Variants in SOX5 observed in about 807,000 individuals in gnomAD.
SOX5 encodes SRY-box transcription factor 5, also known as transcription factor SOX-5.
A neutral mutation model predicts 92.0 loss-of-function variants in SOX5; 9 were observed. That is an observed-to-expected ratio of 0.10 (90% confidence interval 0.06 to 0.17). SOX5 has a LOEUF of 0.17. Among genes scored for constraint, SOX5 ranks in the 10% least tolerant of loss-of-function variants. The pLI, the probability that SOX5 is intolerant of heterozygous loss-of-function variation, is 1.00. For missense variants in SOX5, 642 were observed against 944.5 expected (o/e 0.68, Z 4.20); for synonymous variants, 344 against 336.3 (o/e 1.02, Z -0.25).
At chr12:23,792,564 A>T (rs954862150) in intron 3 of SOX5, among the ~76,000 whole-genome samples, 4 of 131,574 alleles carry the variant, frequency 3.0e-5, no homozygotes, top group Non-Finnish European at 6.2e-5. Flanking sequence ...CAGAGGTTGC[A>T]GTGAGCCGAG....
At chr12:24,455,966 T>G (rs1329724259) in intron 1 of SOX5, among the ~76,000 whole-genome samples, 3 of 152,184 alleles carry the variant, frequency 2.0e-5, no homozygotes, top group Non-Finnish European at 4.4e-5. Context: ...ATGGATTAGC[T>G]GAGCTCTGAG....
intron 6 of SOX5, among the ~76,000 whole-genome samples, chr12:23,703,957 T>G (rs2091024005): frequency 6.6e-6 from 1 of 151,968 alleles, no homozygotes; most frequent in Non-Finnish European, 1.5e-5. Flanking sequence ...GCATTCTCAG[T>G]GACTTTGGCA....
chr12:24,387,724 C>T (rs1292337816), intron 1 of SOX5, among the ~76,000 whole-genome samples: 2 of 152,156 alleles, frequency 1.3e-5, no homozygotes, highest in African/African-American at 2.4e-5. Context: ...GACTAATATA[C>T]ATAATCAGTA....
intron 1 of SOX5, among the ~76,000 whole-genome samples, chr12:24,397,993 G>A (rs571851647): frequency 1.3e-5 from 2 of 151,888 alleles, no homozygotes; most frequent in Non-Finnish European, 2.9e-5. Flanking sequence ...GGGACTACAG[G>A]TGCCCGCCAC....
intron 1 of SOX5, among the ~76,000 whole-genome samples, chr12:23,927,099 C>A (rs1214099306): frequency 6.6e-6 from 1 of 151,942 alleles, no homozygotes; most frequent in Non-Finnish European, 1.5e-5. Flanking sequence ...TTTGTTTTTC[C>A]AAAAGGATTA....
At chr12:24,501,231 A>G (rs1393623486) in intron 1 of SOX5, among the ~76,000 whole-genome samples, 1 of 152,172 alleles carries the variant, frequency 6.6e-6, no homozygotes, top group Non-Finnish European at 1.5e-5. Context: ...CACCTCATTA[A>G]GAGCAGTTTT....
chr12:23,715,245 G>C (rs1201144328), intron 6 of SOX5, among the ~76,000 whole-genome samples: 1 of 151,238 alleles, frequency 6.6e-6, no homozygotes, highest in East Asian at 1.9e-4. Flanking sequence ...CTTGCAGTGA[G>C]CCGAGATAGT....
intron 1 of SOX5, among the ~76,000 whole-genome samples, chr12:24,538,450 G>C (rs779526400): frequency 6.6e-6 from 1 of 152,038 alleles, no homozygotes; most frequent in South Asian, 2.1e-4. Context: ...CACTTAAGAC[G>C]TTTCTGCCCC....
chr12:24,435,669 T>G (rs1229185684), intron 1 of SOX5, among the ~76,000 whole-genome samples: 3 of 152,192 alleles, frequency 2.0e-5, no homozygotes, highest in African/African-American at 7.2e-5. Context: ...ACTTGACAAG[T>G]GAATGAGAAG....
At chr12:23,839,847 C>T (rs1349604926) in intron 3 of SOX5, among the ~76,000 whole-genome samples, 1 of 146,004 alleles carries the variant, frequency 6.8e-6, no homozygotes, top group African/African-American at 2.5e-5. Context: ...AAAAAAATTA[C>T]AAAAATCCCG....
intron 3 of SOX5, among the ~76,000 whole-genome samples, chr12:24,270,239 T>G (rs958279119): frequency 6.6e-6 from 1 of 152,032 alleles, no homozygotes; most frequent in African/African-American, 2.4e-5. Context: ...TTTTGTATTT[T>G]TAGTAGAGAC....
intron 4 of SOX5, among the ~76,000 whole-genome samples, chr12:24,188,677 A>G (rs1005347097): frequency 1.3e-5 from 2 of 152,214 alleles, no homozygotes; most frequent in Non-Finnish European, 2.9e-5. Flanking sequence ...GCCAAAGCAC[A>G]GAGTCTTAAA....
intron 4 of SOX5, among the ~76,000 whole-genome samples, chr12:24,069,390 A>T (rs536222187): frequency 6.6e-6 from 1 of 152,344 alleles, no homozygotes; most frequent in South Asian, 2.1e-4. Context: ...GCTTTTCTTA[A>T]TCTAAAATTA....
intron 3 of SOX5, among the ~76,000 whole-genome samples, chr12:23,796,670 C>T (rs1347463410): frequency 1.3e-5 from 2 of 151,702 alleles, no homozygotes; most frequent in East Asian, 3.9e-4. Context: ...ACCAATTGTT[C>T]CTAACTGCAA....
chr12:23,550,962 C>G (rs879625236), intron 11 of SOX5, among the ~76,000 whole-genome samples: 9 of 151,934 alleles, frequency 5.9e-5, no homozygotes, highest in Admixed American at 5.3e-4. Context: ...TCATCTATTA[C>G]TCCCTGAAAC....
intron 4 of SOX5, among the ~76,000 whole-genome samples, chr12:24,043,315 C>T (rs552917070): frequency 1.7e-3 from 252 of 152,238 alleles, no homozygotes; most frequent in African/African-American, 5.9e-3. Flanking sequence ...GTACCTTGCA[C>T]GCGTAAGCAT....
chr12:23,894,932 C>T (rs1185538523), intron 2 of SOX5, among the ~76,000 whole-genome samples: 1 of 152,012 alleles, frequency 6.6e-6, no homozygotes, highest in African/African-American at 2.4e-5. Context: ...TGTGATCCAC[C>T]CAAGCAGCCA....
intron 1 of SOX5, among the ~76,000 whole-genome samples, chr12:24,531,508 T>C (rs1027390357): frequency 1.3e-5 from 2 of 152,192 alleles, no homozygotes; most frequent in African/African-American, 4.8e-5. Flanking sequence ...AGTATAACTA[T>C]AAAGTAATGT....
intron 2 of SOX5, among the ~76,000 whole-genome samples, chr12:23,894,780 GAA>G: frequency 6.7e-6 from 1 of 150,210 alleles, no homozygotes; most frequent in Non-Finnish European, 1.5e-5. Flanking sequence ...TTTCCTGGAG[GAA>G]AAAAAAAGAT....
Sources: gnomAD v4.1 joint callset for allele counts (sites outside exome capture counted in the v4.1 genomes callset) on GRCh38, gnomAD v4.1.1 for gene constraint, MANE v1.5 for transcripts, NCBI Gene and HGNC (gene_info 2026-07-23, HGNC 2026-07-21) for gene names.